ZBTB45: variants seen among roughly 807,000 people sequenced by gnomAD.
ZBTB45 encodes zinc finger and BTB domain containing 45.
ZBTB45 carries 22 observed loss-of-function variants against 28.4 expected under a neutral mutation model. The observed-to-expected ratio is 0.77, with a 90% CI of 0.55 to 1.10. The LOEUF (loss-of-function observed/expected upper bound fraction) is 1.10. ZBTB45 is among the 50% of genes least tolerant of loss of function. ZBTB45 has a pLI of 0.00. For missense variants in ZBTB45, 656 were observed against 750.2 expected (o/e 0.87, Z 1.47); for synonymous variants, 361 against 332.3 (o/e 1.09, Z -0.94).
rs1023299171 is a variant in ZBTB45 at position 58,513,768 on chromosome 19, G to T, written c.*286C>A. On this transcript the variant is annotated 3_prime_UTR_variant, in exon 3 of 3. Coordinates refer to ENST00000594051, the MANE Select transcript of ZBTB45 (RefSeq NM_001316979.2). The stretch of plus-strand genomic sequence containing the variant: ...GAACCGGAGTCAAATCTTGGGCCGG[G>T]TCCAAGCGCCTGAGCGCCCGGTTTA... The T allele has an allele frequency of 2.8e-6, 1 of 355,282 alleles. No homozygotes were observed. The highest frequency in any genetic ancestry group is 2.1e-5 in the African/African-American group (1 of 47,262). The allele number at this position is 355,282 out of a possible 1,614,324, so 22.0% of individuals were successfully genotyped here. A position where few individuals can be genotyped will look rare whatever the true frequency, so the allele number is the denominator to read the frequency against.
rs1399670800 is a variant in ZBTB45, at chr19:58,517,259, GGGTGGGCAGGGGCGTGGGCGCAGA to G, written c.391_414del (p.Ser131_Thr138del). On this transcript the variant is annotated inframe_deletion, in exon 2 of 3. Coordinates refer to ENST00000594051, the MANE Select transcript of ZBTB45 (RefSeq NM_001316979.2). Reference sequence around the variant, plus strand: ...GCAGGTGCGAGTGGCGGGGGCACAGGGGTGGGCAGGGGCGTGGGCGCAGAGGTGCCCGGGGCTCGAGCGCGGGCG... The same window carrying G: ...GCAGGTGCGAGTGGCGGGGGCACAGGGGTGCCCGGGGCTCGAGCGCGGGCG... The G allele has an allele frequency of 6.3e-7, 1 of 1,581,882 alleles. No homozygotes were observed. The highest frequency in any genetic ancestry group is 8.6e-7 in the Non-Finnish European group (1 of 1,167,036).
chr19:58,517,703 G>A (rs2053530664), intron 1 of ZBTB45, 30 bp from the exon 2 acceptor site: 2 of 1,588,568 alleles, frequency 1.3e-6, no homozygotes, highest in Non-Finnish European at 1.7e-6. Flanking sequence ...GGCAGGGAGA[G>A]GTCAACTGAG....
Position 58,517,028 on chromosome 19 carries a change from C to T in ZBTB45, c.646G>A (p.Asp216Asn), listed in dbSNP as rs752593603. The T allele has an allele frequency of 1.1e-5, 18 of 1,613,168 alleles. No homozygotes were observed. The highest frequency in any genetic ancestry group is 3.3e-4 in the Middle Eastern group (2 of 6,084). Residue 216 changes from aspartate (D) to asparagine (N), a missense_variant, in exon 2 of 3, where the codon GAT (aspartate) becomes AAT (asparagine). By Grantham distance (23) the Asp-to-Asn change is conservative. Coordinates refer to ENST00000594051, the MANE Select transcript of ZBTB45 (RefSeq NM_001316979.2). ...TCGCCATCCTCGCCATCGGTCTCAT[C>T]GTCACTTTCCTCGTCATCCTCGTCA... ...RGDEDDEESD[D>N]ETDGEDGEGG...
rs778217208 is a variant in ZBTB45 at position 58,517,522 on chromosome 19, A to AGCACGCAGCGGTGG, written c.138_151dup (p.Leu51ProfsTer39). ...TTGGAAGAAGGGTGAGCCGGCCGCC[A>AGCACGCAGCGGTGG]GCACGCAGCGGTGGGCACGCAGCGA... is the stretch of plus-strand genomic sequence containing the variant. On this transcript the variant is annotated frameshift_variant, in exon 2 of 3. Transcript: ENST00000594051. LOFTEE classifies it high-confidence loss of function. The AGCACGCAGCGGTGG allele has an allele frequency of 6.2e-7, 1 of 1,613,516 alleles. No homozygotes were observed.
chr19:58,519,791 A>C lies in ZBTB45; in HGVS notation c.-50T>G, dbSNP rs2053562470. 6.6e-6 allele frequency: 1 copy of C among 152,320 alleles called. No homozygotes were observed. Among genetic ancestry groups the C allele is most frequent in the Non-Finnish European group, 1.5e-5 (1 of 68,090 alleles). The allele number at this position is 152,320 out of a possible 1,614,324, so 9.4% of individuals were successfully genotyped here. ...GCTCTGCCGTGGCCGCTTCCTCCTGACCGACTACAAGGCCGCACTTCCGGG... is the reference window on the plus strand; with the variant it reads ...GCTCTGCCGTGGCCGCTTCCTCCTGCCCGACTACAAGGCCGCACTTCCGGG... On this transcript the variant is annotated 5_prime_UTR_variant, in exon 1 of 3. Coordinates refer to ENST00000594051, the MANE Select transcript of ZBTB45 (RefSeq NM_001316979.2).
upstream of ZBTB45, among the ~76,000 whole-genome samples, chr19:58,523,816 G>A (rs1238029807): frequency 2.3e-5 from 3 of 128,750 alleles, no homozygotes; most frequent in African/African-American, 5.5e-5. Flanking sequence ...GACTACAGGC[G>A]CCCGCCACCA....
At chr19:58,524,921 A>C (rs2053600025) in intron 1 of ZBTB45, among the ~76,000 whole-genome samples, 20 of 152,012 alleles carry the variant, frequency 1.3e-4, no homozygotes, top group Admixed American at 1.3e-3. Context: ...GGCTAAGCCC[A>C]AGGCCTGAGA....
At chr19:58,538,755 C>T (rs1201388003) in exon 1 of ZBTB45, 1 of 152,350 alleles carries the variant, frequency 6.6e-6, no homozygotes, top group Non-Finnish European at 1.5e-5. Flanking sequence ...CGCCAGTCCT[C>T]GCGGCCTCCA....
intron 1 of ZBTB45, among the ~76,000 whole-genome samples, chr19:58,526,363 C>T (rs2053606700): frequency 6.6e-6 from 1 of 151,766 alleles, no homozygotes; most frequent in Non-Finnish European, 1.5e-5. Context: ...GCGCCTGCCA[C>T]CATGTCCAGT....
In ZBTB45 at chr19:58,516,215, C is replaced by CA. The variant is rs1365426412; in HGVS notation, c.1279+179dup. Among the ~76,000 whole-genome samples, 1 of 152,174 alleles carries CA rather than the reference C, an allele frequency of 6.6e-6. No homozygotes were observed. The highest frequency in any genetic ancestry group is 1.9e-4 in the East Asian group (1 of 5,180). ...ACAGAAGCCAGTGCCTGCTGCTCCA[C>CA]AGAGTGGGGCTTTCCCCTCCCCCAC... On this transcript the variant is annotated intron_variant, in intron 2 of 2. Transcript: ENST00000594051. The surrounding 1 kb of genome is among the most constrained non-coding windows in gnomAD (Gnocchi z 6.2).
chr19:58,516,658 G>C lies in ZBTB45; in HGVS notation c.1016C>G (p.Pro339Arg), dbSNP rs1191212652. ...VALFPFHLGAPGPPAPPPSAP... is the reference protein window; with the variant it reads ...VALFPFHLGARGPPAPPPSAP... ...TGAAGGGGGTGGTGCGGGTGGCCCA[G>C]GGGCACCCAAGTGAAAGGGGAAGAG... The change falls in exon 2 of 3, where the codon CCT (proline) becomes CGT (arginine). Residue 339 changes from proline to arginine, a missense_variant. Physicochemically the swap from Pro to Arg is moderately radical, Grantham distance 103. Coordinates refer to ENST00000594051, the MANE Select transcript of ZBTB45 (RefSeq NM_001316979.2). This position sits in a 1 kb window ranked among gnomAD's most constrained non-coding sequence, Gnocchi z 6.2. The C allele has an allele frequency of 1.3e-6, 2 of 1,564,448 alleles. No individual in the cohort carries two copies. Among genetic ancestry groups the C allele is most frequent in the South Asian group, 1.2e-5 (1 of 82,624 alleles).
At chr19:58,521,975 G>A (rs1231420018), upstream of ZBTB45, among the ~76,000 whole-genome samples, 2 of 152,000 alleles carry the variant, frequency 1.3e-5, no homozygotes, top group South Asian at 2.1e-4. Context: ...TTGTAGATGT[G>A]GTATTTGGAG....
Position 58,516,338 on chromosome 19 carries a change from C to A in ZBTB45, c.1279+57G>T. 2.5e-6 allele frequency: 4 copies of A among 1,603,804 alleles called. No homozygotes were observed. Among genetic ancestry groups the A allele is most frequent in the South Asian group, 1.1e-5 (1 of 89,662 alleles). ...CCCTGTAACTAGTGCTCAATTCCCC[C>A]TCAGGTTTAACTCTCCGATGAGAGA... On this transcript the variant is annotated intron_variant, in intron 2 of 2. Coordinates refer to ENST00000594051, the MANE Select transcript of ZBTB45 (RefSeq NM_001316979.2). This position sits in a 1 kb window ranked among gnomAD's most constrained non-coding sequence, Gnocchi z 6.2.
At position 58,516,701 on chromosome 19, in the gene ZBTB45, G is replaced by A. The variant is rs1348533924; in HGVS notation, c.973C>T (p.Pro325Ser). 5 of 1,591,670 alleles carry A rather than the reference G, an allele frequency of 3.1e-6. No individual in the cohort carries two copies. The highest frequency in any genetic ancestry group is 1.3e-5 in the African/African-American group (1 of 74,650). Residue 325 changes from proline (P) to serine (S), a missense_variant, in exon 2 of 3, where the codon CCA becomes TCA. Pro to Ser is a moderately conservative substitution (Grantham distance 74). Around this residue, in one of 3 missense-constraint regions of ZBTB45, gnomAD observed 448 missense variants for 444.3 expected, o/e 1.01. Coordinates refer to ENST00000594051, the MANE Select transcript of ZBTB45 (RefSeq NM_001316979.2). The surrounding 1 kb of genome is among the most constrained non-coding windows in gnomAD (Gnocchi z 6.2). ...SGSRPPGVKT[P>S]GPPVALFPFH... ...GGGAAGAGTGCAACGGGCGGCCCTG[G>A]GGTCTTCACACCAGGCGGGCGGGAT...
At chr19:58,524,437 G>A (rs962349857), upstream of ZBTB45, among the ~76,000 whole-genome samples, 5 of 108,718 alleles carry the variant, frequency 4.6e-5, no homozygotes, top group Admixed American at 9.8e-5. Flanking sequence ...GTTCATATAT[G>A]TGTGTGTGTG....
chr19:58,529,753 C>T (rs181468443), intron 1 of ZBTB45, among the ~76,000 whole-genome samples: 5 of 152,304 alleles, frequency 3.3e-5, no homozygotes, highest in African/African-American at 1.2e-4. Flanking sequence ...TGCTATCCCT[C>T]CCCTAGACCC....
Position 58,516,630 on chromosome 19 carries a change from T to A in ZBTB45, c.1044A>T (p.Ala348=). 6.4e-7 allele frequency: 1 copy of A among 1,559,700 alleles called. No individual in the cohort carries two copies. Among genetic ancestry groups the A allele is most frequent in the South Asian group, 1.2e-5 (1 of 82,202 alleles). The change falls in exon 2 of 3, where the codon GCA becomes GCT. Residue 348 remains alanine, a synonymous_variant. Transcript: ENST00000594051. The surrounding 1 kb of genome is among the most constrained non-coding windows in gnomAD (Gnocchi z 6.2). The part of the protein sequence containing the change: ...APGPPAPPPS[A]PSGPAPAPPP... Reference sequence around the variant, plus strand: ...GGGGCGCAGGGGCTGGCCCCGATGGTGCTGAAGGGGGTGGTGCGGGTGGCC... The same window carrying A: ...GGGGCGCAGGGGCTGGCCCCGATGGAGCTGAAGGGGGTGGTGCGGGTGGCC...
chr19:58,535,249 G>A (rs568624885), intron 1 of ZBTB45, among the ~76,000 whole-genome samples: 8 of 151,950 alleles, frequency 5.3e-5, no homozygotes, highest in South Asian at 2.1e-4. Flanking sequence ...CCCGTGATCC[G>A]CCTGCTTCAG....
chr19:58,521,520 T>A (rs1432283815), upstream of ZBTB45, among the ~76,000 whole-genome samples: 1 of 152,086 alleles, frequency 6.6e-6, no homozygotes, highest in Admixed American at 6.6e-5. Context: ...ACACCTTGAT[T>A]TTAGCCTTTA....
Sources: gnomAD v4.1 joint callset for allele counts (sites outside exome capture counted in the v4.1 genomes callset) on GRCh38, gnomAD v4.1.1 for gene constraint, gnomAD v4.1.1 regional missense constraint, Gnocchi (gnomAD v3.1) non-coding constraint, MANE v1.5 for transcripts, NCBI Gene and HGNC (gene_info 2026-07-23, HGNC 2026-07-21) for gene names.